CALCR: variants seen among roughly 807,000 people sequenced by gnomAD.
CALCR encodes calcitonin receptor.
Under a neutral mutation model 59.5 loss-of-function variants are expected in CALCR, and 47 were observed. That is an observed-to-expected ratio of 0.79 (90% CI 0.63 to 1.01). The LOEUF (loss-of-function observed/expected upper bound fraction) is 1.01. Among genes scored for constraint, CALCR ranks in the 50% least tolerant of loss-of-function variants. The pLI is 0.00. For synonymous variants in CALCR, 213 were observed against 211.3 expected (o/e 1.01, Z -0.07); for missense variants, 566 against 597.1 (o/e 0.95, Z 0.54).
At chr7:93,511,275 A>G (rs1403639064) in intron 2 of CALCR, among the ~76,000 whole-genome samples, 3 of 152,174 alleles carry the variant, frequency 2.0e-5, no homozygotes, top group Non-Finnish European at 4.4e-5. Flanking sequence ...AGAAGAATTC[A>G]CACGTACTGC....
intron 5 of CALCR, among the ~76,000 whole-genome samples, chr7:93,473,382 A>G (rs1033921352): frequency 6.6e-6 from 1 of 151,772 alleles, no homozygotes; most frequent in Non-Finnish European, 1.5e-5. Flanking sequence ...ATCCGAGTCT[A>G]CTTGATTCCA....
Position 93,476,612 on chromosome 7 carries a change from C to A in CALCR, c.316+946G>T, listed in dbSNP as rs1368927168. Among the ~76,000 whole-genome samples, 4 of 151,900 alleles carry A rather than the reference C, an allele frequency of 2.6e-5. No homozygotes were observed. The East Asian group carries it at 5.9e-4, about 22-fold the overall frequency. On this transcript the variant is annotated intron_variant, in intron 5 of 13. Transcript: ENST00000426151. ...AAATCTCTGATTTTTTTATCAAAAC[C>A]TTGCCTTGTAGTCACTATTTATATC...
chr7:93,523,163 T>G (rs1801799964), intron 2 of CALCR, among the ~76,000 whole-genome samples: 1 of 152,200 alleles, frequency 6.6e-6, no homozygotes, highest in African/African-American at 2.4e-5. Context: ...GTTTCCTTCC[T>G]TACCACTTAG....
At chr7:93,483,190 C>T (rs1800839210) in intron 3 of CALCR, among the ~76,000 whole-genome samples, 1 of 151,532 alleles carries the variant, frequency 6.6e-6, no homozygotes, top group Non-Finnish European at 1.5e-5. Flanking sequence ...TTGCATATAA[C>T]CTATGTACAT....
intron 5 of CALCR, among the ~76,000 whole-genome samples, chr7:93,476,558 C>T (rs144153790): frequency 5.3e-5 from 8 of 151,876 alleles, no homozygotes; most frequent in African/African-American, 1.9e-4. Flanking sequence ...TGTATAAGAA[C>T]CAGGCTGAAA....
At position 93,472,383 on chromosome 7, in the gene CALCR, T is replaced by C; in HGVS notation, c.421A>G (p.Lys141Glu). Residue 141 changes from lysine to glutamate, a missense_variant, in exon 6 of 14, where the codon AAA becomes GAA. Transcript: ENST00000426151. ...YTMCNAFTPE[K>E]LKNAYVLYYL... ...CGTGAAAAAGAACCTACCTTCAGTT[T>C]CTCAGGAGTGAAAGCATTGCACATA... 1 of 1,592,566 alleles carries C rather than the reference T, an allele frequency of 6.3e-7. No individual in the cohort carries two copies. Among genetic ancestry groups the C allele is most frequent in the Non-Finnish European group, 8.6e-7 (1 of 1,162,778 alleles).
chr7:93,457,672 G>T (rs1056030894), intron 8 of CALCR, among the ~76,000 whole-genome samples: 1 of 152,148 alleles, frequency 6.6e-6, no homozygotes, highest in African/African-American at 2.4e-5. Flanking sequence ...ATGGGAAATG[G>T]AGAGCCAAAA....
chr7:93,468,684 A>AC, intron 7 of CALCR, 31 bp downstream of exon 7: 1 of 1,436,038 alleles, frequency 7.0e-7, no homozygotes, highest in Non-Finnish European at 9.8e-7. Flanking sequence ...TAAAGGAGGA[A>AC]ATAAAGAGCA....
intron 2 of CALCR, chr7:93,495,977 G>A (rs1394555743): frequency 1.4e-6 from 2 of 1,439,172 alleles, no homozygotes; most frequent in Non-Finnish European, 1.9e-6. Flanking sequence ...CATTTATTCT[G>A]TGAATAAATA....
At chr7:93,460,596 T>TATATATATATATAC (rs60809562) in intron 8 of CALCR, among the ~76,000 whole-genome samples, 32 of 47,926 alleles carry the variant, frequency 6.7e-4, no homozygotes, top group African/African-American at 2.5e-3. Context: ...TATATATGTA[T>TATATATATATATAC]ATATATATAT....
chr7:93,535,395 A>C (rs1247119143), intron 2 of CALCR, among the ~76,000 whole-genome samples: 1 of 151,758 alleles, frequency 6.6e-6, no homozygotes, highest in Non-Finnish European at 1.5e-5. Context: ...TGTAAGCTTA[A>C]ATTTCTTAAG....
At chr7:93,534,356 G>A (rs1014151815) in intron 2 of CALCR, among the ~76,000 whole-genome samples, 1 of 151,798 alleles carries the variant, frequency 6.6e-6, no homozygotes, top group Non-Finnish European at 1.5e-5. Context: ...GCTGAGATTT[G>A]TAAAGTAGGA....
intron 3 of CALCR, among the ~76,000 whole-genome samples, chr7:93,482,158 C>T (rs1800811204): frequency 2.0e-5 from 3 of 151,792 alleles, no homozygotes; most frequent in Admixed American, 2.0e-4. Context: ...GAAGGGATTC[C>T]ATGTTGAGGT....
chr7:93,460,809 T>C lies in CALCR; in HGVS notation c.648+12A>G, dbSNP rs143986743. On this transcript the variant is annotated intron_variant, in intron 8 of 13. Transcript: ENST00000426151. ...TAAAATAAAAGTAAAAACAAAACTATGCAGTACTTACCGGGTCCCTTCGCA... is the reference window on the plus strand; with the variant it reads ...TAAAATAAAAGTAAAAACAAAACTACGCAGTACTTACCGGGTCCCTTCGCA... The C allele has an allele frequency of 3.8e-4, 601 of 1,585,462 alleles. 3 individuals are homozygous for C. In the African/African-American group the frequency reaches 6.8e-3, roughly 18 times the overall value.
chr7:93,473,969 T>A (rs1800611745), intron 5 of CALCR, among the ~76,000 whole-genome samples: 1 of 151,718 alleles, frequency 6.6e-6, no homozygotes, highest in African/African-American at 2.4e-5. Flanking sequence ...TAATAAGTTC[T>A]CATGGGGATG....
chr7:93,541,953 A>G (rs2106733), intron 2 of CALCR, among the ~76,000 whole-genome samples: 57,777 of 152,132 alleles, frequency 0.38, 12,130 homozygotes, highest in Non-Finnish European at 0.48. Flanking sequence ...TTTTTTGGAT[A>G]TAAACACAGT....
At chr7:93,457,657 T>C (rs191506468) in intron 8 of CALCR, among the ~76,000 whole-genome samples, 193 of 152,330 alleles carry the variant, frequency 1.3e-3, no homozygotes, top group Middle Eastern at 3.4e-3. Context: ...CGGTTTCTAC[T>C]CTTAATGGGA....
At position 93,475,246 on chromosome 7, in the gene CALCR, G is replaced by A. The variant is rs145527311; in HGVS notation, c.316+2312C>T. On this transcript the variant is annotated intron_variant, in intron 5 of 13. Coordinates refer to ENST00000426151, the MANE Select transcript of CALCR (RefSeq NM_001742.4). ...AAAAACATTTTTTCAAGCAAAAGAT[G>A]TTTTCAAGCAACCTATTAGAATCAT... 2.6e-3 allele frequency among the ~76,000 whole-genome samples: 393 copies of A among 151,748 alleles called. 3 individuals are homozygous for A. Among genetic ancestry groups the A allele is most frequent in the African/African-American group, 8.4e-3 (349 of 41,502 alleles).
intron 9 of CALCR, among the ~76,000 whole-genome samples, chr7:93,442,755 A>T (rs1183602224): frequency 2.0e-5 from 3 of 152,170 alleles, no homozygotes; most frequent in African/African-American, 7.2e-5. Flanking sequence ...ATGTGGTGAG[A>T]GAAGCCCTTG....
Sources: allele counts gnomAD v4.1 joint callset (sites outside exome capture counted in the v4.1 genomes callset), GRCh38; gene constraint gnomAD v4.1.1; transcripts MANE v1.5; gene names NCBI Gene and HGNC (gene_info 2026-07-23, HGNC 2026-07-21).